The following ACAP1 variants were observed in gnomAD, a reference collection of about 807,000 sequenced individuals.
ACAP1 encodes the protein ArfGAP with coiled-coil, ankyrin repeat and PH domains 1.
ACAP1 carries 45 observed loss-of-function variants against 98.8 expected under a neutral mutation model. The observed-to-expected ratio is 0.46, with a 90% CI of 0.36 to 0.58. The LOEUF is 0.58. ACAP1 is among the 20% of genes least tolerant of loss of function. The pLI is 0.00. For synonymous variants in ACAP1, 362 were observed against 375.3 expected, an observed-to-expected ratio of 0.96 and a Z score of 0.41; for missense variants, 735 against 971.4, an observed-to-expected ratio of 0.76 and a Z score of 3.24.
chr17:7,339,162 C>T (rs1228316511), intron 2 of ACAP1, among the ~76,000 whole-genome samples: 22 of 152,026 alleles, frequency 1.4e-4, no homozygotes, highest in Admixed American at 1.2e-3. Flanking sequence ...TGGCGGCAGG[C>T]GCCTGTAGTC....
rs1321939482 is a variant in ACAP1, at chr17:7,350,243, A to G, written c.2072+6A>G. On this transcript the variant is annotated splice_donor_region_variant and intron_variant, in intron 20 of 21. Transcript: ENST00000158762. This position sits in a 1 kb window ranked among gnomAD's most constrained non-coding sequence, Gnocchi z 4.6. ...AACGCTGACATCGTCACCCTGTAAG[A>G]ATGCCTGAAGGGGCGGGGCTGGCGC... is the stretch of plus-strand genomic sequence containing the variant. 6.2e-7 allele frequency: 1 copy of G among 1,613,026 alleles called. No homozygotes were observed. Among genetic ancestry groups the G allele is most frequent in the East Asian group, 2.2e-5 (1 of 44,852 alleles).
chr17:7,340,948 T>G (rs564900484), intron 2 of ACAP1, among the ~76,000 whole-genome samples: 48 of 152,208 alleles, frequency 3.2e-4, no homozygotes, highest in African/African-American at 1.1e-3. Context: ...CCCAAAGTGT[T>G]GAGATTACAG....
chr17:7,343,917 G>C lies in ACAP1; in HGVS notation c.630G>C (p.Leu210=), dbSNP rs1300539950. The C allele has an allele frequency of 3.1e-6, 5 of 1,607,872 alleles. 1 individual carries two copies. In the East Asian group the frequency reaches 9.0e-5, roughly 29 times the overall value. ...ATHFQQGHEE[L]SRLSQYRKEL... is the part of the protein sequence containing the mutation. ...ATTTCCAGCAGGGCCATGAGGAGCTGAGCCGGCTGTCCCAGTATCGAAAGG... is the reference window on the plus strand; with the variant it reads ...ATTTCCAGCAGGGCCATGAGGAGCTCAGCCGGCTGTCCCAGTATCGAAAGG... The change falls in exon 8 of 22, where the codon CTG becomes CTC. Residue 210 remains leucine (L), a synonymous_variant. Coordinates refer to ENST00000158762, the MANE Select transcript of ACAP1 (RefSeq NM_014716.4). This position sits in a 1 kb window ranked among gnomAD's most constrained non-coding sequence, Gnocchi z 4.9.
chr17:7,341,959 G>A lies in ACAP1; in HGVS notation c.123G>A (p.Leu41=), dbSNP rs745774753. ...TCCTTCTTTCCCAGCTCCTGAAACT[G>A]GGCACTGGTCTCCTGGAAAGTGGGC... ...LETRLEKLLK[L]GTGLLESGRH... Residue 41 remains leucine (L), a synonymous_variant, in exon 3 of 22, where the codon CTG becomes CTA. Transcript: ENST00000158762. 5 of 1,614,038 alleles carry A rather than the reference G, an allele frequency of 3.1e-6. No individual in the cohort carries two copies. In the East Asian group the frequency reaches 8.9e-5, roughly 29 times the overall value.
chr17:7,342,726 C>G, intron 5 of ACAP1: 1 of 545,870 alleles, frequency 1.8e-6, no homozygotes, highest in Non-Finnish European at 3.3e-6. Context: ...ATGGCAAAAC[C>G]CCAGCTCTAC....
intron 2 of ACAP1, among the ~76,000 whole-genome samples, chr17:7,341,658 G>A (rs975306353): frequency 2.0e-5 from 3 of 152,218 alleles, no homozygotes; most frequent in African/African-American, 7.2e-5. Context: ...GAGTGGACAG[G>A]GAAAGATGTT....
At chr17:7,347,331 T>G in intron 14 of ACAP1, 89 bp downstream of exon 14, 3 of 1,243,572 alleles carry the variant, frequency 2.4e-6, no homozygotes, top group Non-Finnish European at 3.4e-6. Flanking sequence ...CCCCTCTTCC[T>G]TCCCTGTCCT....
At chr17:7,349,842 C>T (rs2073384782) in intron 18 of ACAP1, 103 bp from the exon 19 acceptor site, 2 of 934,478 alleles carry the variant, frequency 2.1e-6, no homozygotes, top group Non-Finnish European at 3.3e-6. Flanking sequence ...CTGATTACCA[C>T]ACTCCACCCT....
chr17:7,343,829 TCA>T lies in ACAP1; in HGVS notation c.574-31_574-30del, dbSNP rs755449135. On this transcript the variant is annotated intron_variant, in intron 7 of 21. Transcript: ENST00000158762. The surrounding 1 kb of genome is among the most constrained non-coding windows in gnomAD (Gnocchi z 4.9). ...AGGGAATGGGGAGAGGGGTTCTTCC[TCA>T]GCCTTCCCACTGCCCGCCTTGTCCC... 18 of 1,613,950 alleles carry T rather than the reference TCA, an allele frequency of 1.1e-5. No individual in the cohort carries two copies. In the South Asian group the frequency reaches 1.8e-4, roughly 16 times the overall value.
At chr17:7,348,572 C>T (rs753265611) in intron 17 of ACAP1, 97 bp downstream of exon 17, 7 of 1,321,232 alleles carry the variant, frequency 5.3e-6, no homozygotes, top group African/African-American at 3.0e-5. Context: ...CCAGGCCTTC[C>T]GCTGGACAAT....
chr17:7,349,167 T>C lies in ACAP1; in HGVS notation c.1851T>C (p.Ala617=), dbSNP rs764774451. The C allele has an allele frequency of 1.2e-6, 2 of 1,613,826 alleles. No homozygotes were observed. The highest frequency in any genetic ancestry group is 4.5e-5 in the East Asian group (2 of 44,864). ...CACCGCTGATCCAGGCCACAGCTGCTGTAAGAGCCCTGCTGACCTCTCCAC... is the reference window on the plus strand; with the variant it reads ...CACCGCTGATCCAGGCCACAGCTGCCGTAAGAGCCCTGCTGACCTCTCCAC... ...NATPLIQATA[A]NSLLACEFLL... is the part of the protein sequence containing the mutation. Residue 617 remains alanine, a splice_region_variant and synonymous_variant, in exon 18 of 22, where the codon GCT becomes GCC. Coordinates refer to ENST00000158762, the MANE Select transcript of ACAP1 (RefSeq NM_014716.4).
In ACAP1 at chr17:7,350,913, G is replaced by T. The variant is rs2073402089; in HGVS notation, c.2073-37G>T. 3 of 1,612,518 alleles carry T rather than the reference G, an allele frequency of 1.9e-6. No individual in the cohort carries two copies. The highest frequency in any genetic ancestry group is 2.2e-5 in the South Asian group (2 of 91,048). Reference sequence around the variant, plus strand: ...GCGTGAGCCACCGCGCCCGGCCAAAGATAGTGTCGTTCATTTCTTAATTCC... The same window carrying T: ...GCGTGAGCCACCGCGCCCGGCCAAATATAGTGTCGTTCATTTCTTAATTCC... On this transcript the variant is annotated intron_variant, in intron 20 of 21. Transcript: ENST00000158762. The surrounding 1 kb of genome is among the most constrained non-coding windows in gnomAD (Gnocchi z 4.6).
chr17:7,338,307 G>A (rs754434056), intron 2 of ACAP1, among the ~76,000 whole-genome samples: 40 of 152,174 alleles, frequency 2.6e-4, no homozygotes, highest in Admixed American at 9.8e-4. Flanking sequence ...AGGCTGGAGT[G>A]CAGTGGTGCG....
chr17:7,343,875 G>A lies in ACAP1; in HGVS notation c.588G>A (p.Val196=). 6.2e-7 allele frequency: 1 copy of A among 1,613,682 alleles called. No individual in the cohort carries two copies. Among genetic ancestry groups the A allele is most frequent in the South Asian group, 1.1e-5 (1 of 91,060 alleles). The stretch of plus-strand genomic sequence containing the variant: ...TTGTCCCCCAGGTGCTGCGTTTGGT[G>A]GAGGCCCAGGCTACCCATTTCCAGC... The part of the protein sequence containing the change: ...FDIMEFVLRL[V]EAQATHFQQG... Residue 196 remains valine (V), a synonymous_variant, in exon 8 of 22, where the codon GTG becomes GTA. Coordinates refer to ENST00000158762, the MANE Select transcript of ACAP1 (RefSeq NM_014716.4). This position sits in a 1 kb window ranked among gnomAD's most constrained non-coding sequence, Gnocchi z 4.9.
chr17:7,342,525 G>C, intron 5 of ACAP1, 51 bp downstream of exon 5: 2 of 1,588,544 alleles, frequency 1.3e-6, no homozygotes, highest in South Asian at 2.2e-5. Context: ...CAACACTTTG[G>C]AAGGCCAAGG....
Position 7,342,469 on chromosome 17 carries a change from C to T in ACAP1, c.339C>T (p.Val113=), listed in dbSNP as rs751704181. The change falls in exon 5 of 22, where the codon GTC becomes GTT. Residue 113 remains valine (V), a synonymous_variant. Coordinates refer to ENST00000158762, the MANE Select transcript of ACAP1 (RefSeq NM_014716.4). The part of the protein sequence containing the change: ...HTLQQQIQTL[V]KEGLRGFREA... ...TGCAGCAGCAGATCCAGACCCTGGT[C>T]AAGGAGTGAGATGGGGCCGGGCGCA... The T allele has an allele frequency of 1.2e-5, 20 of 1,613,944 alleles. No homozygotes were observed. The South Asian group carries it at 2.2e-4, about 18-fold the overall frequency.
In ACAP1 at chr17:7,343,092, A is replaced by T; in HGVS notation, c.345-287A>T. 2 of 346,676 alleles carry T rather than the reference A, an allele frequency of 5.8e-6. No homozygotes were observed. Among genetic ancestry groups the T allele is most frequent in the Non-Finnish European group, 1.1e-5 (2 of 190,278 alleles). 21.5% of individuals were successfully genotyped at this position (346,676 alleles called of 1,614,324 possible). A position where few individuals can be genotyped will look rare whatever the true frequency, so the allele number is the denominator to read the frequency against. ...AAGACCCGGTCTCAAAAACAAAAAC[A>T]ACAACAACAACAAAAATTTTTTAAA... On this transcript the variant is annotated intron_variant, in intron 5 of 21. Coordinates refer to ENST00000158762, the MANE Select transcript of ACAP1 (RefSeq NM_014716.4). The surrounding 1 kb of genome is among the most constrained non-coding windows in gnomAD (Gnocchi z 4.9).
chr17:7,344,404 C>T lies in ACAP1; in HGVS notation c.745-135C>T, dbSNP rs963204713. ...TAAGCCTGGGTGAAAGAACAAGACCCTGTCTCTAAAAATAAATTTTAAAAA... is the reference window on the plus strand; with the variant it reads ...TAAGCCTGGGTGAAAGAACAAGACCTTGTCTCTAAAAATAAATTTTAAAAA... On this transcript the variant is annotated intron_variant, in intron 9 of 21. Coordinates refer to ENST00000158762, the MANE Select transcript of ACAP1 (RefSeq NM_014716.4). The surrounding 1 kb of genome is among the most constrained non-coding windows in gnomAD (Gnocchi z 4.9). 1 of 722,948 alleles carries T rather than the reference C, an allele frequency of 1.4e-6. No homozygotes were observed. The highest frequency in any genetic ancestry group is 2.3e-6 in the Non-Finnish European group (1 of 436,336). 44.8% of individuals were successfully genotyped at this position (722,948 alleles called of 1,614,324 possible).
In ACAP1 at chr17:7,346,507, A is replaced by G; in HGVS notation, c.1007+16A>G. On this transcript the variant is annotated intron_variant, in intron 12 of 21. Coordinates refer to ENST00000158762, the MANE Select transcript of ACAP1 (RefSeq NM_014716.4). ...CCACCAGCAAGTGAGTGCAATCCCC[A>G]GGGGTGATACTCTAATATATCTAAA... 1 of 1,580,230 alleles carries G rather than the reference A, an allele frequency of 6.3e-7. No homozygotes were observed. Among genetic ancestry groups the G allele is most frequent in the Non-Finnish European group, 8.6e-7 (1 of 1,163,030 alleles).
Sources: gnomAD v4.1 joint callset for allele counts (sites outside exome capture counted in the v4.1 genomes callset) on GRCh38, gnomAD v4.1.1 for gene constraint, Gnocchi (gnomAD v3.1) non-coding constraint, MANE v1.5 for transcripts, NCBI Gene and HGNC (gene_info 2026-07-23, HGNC 2026-07-21) for gene names.